RIPOR2: variants seen among roughly 807,000 people sequenced by gnomAD.
RIPOR2 encodes the protein RHO family interacting cell polarization regulator 2, also known as rho family-interacting cell polarization regulator 2.
A neutral mutation model predicts 114.5 loss-of-function variants in RIPOR2; 39 were observed. The observed-to-expected ratio is 0.34, with a 90% confidence interval of 0.26 to 0.44. RIPOR2 has a LOEUF of 0.44. Ranked by LOEUF, RIPOR2 falls within the 20% of genes least tolerant of loss-of-function variation. The pLI, the probability that RIPOR2 is intolerant of heterozygous loss-of-function variation, is 1.00. For missense variants in RIPOR2, 1,007 were observed against 1,255.1 expected, an observed-to-expected ratio of 0.80 and a Z score of 2.99; for synonymous variants, 445 against 484.4, an observed-to-expected ratio of 0.92 and a Z score of 1.07.
Position 24,825,235 on chromosome 6 carries a change from G to C in RIPOR2, c.2859C>G (p.Phe953Leu). 1 of 1,550,482 alleles carries C rather than the reference G, an allele frequency of 6.4e-7. No individual in the cohort carries two copies. Among genetic ancestry groups the C allele is most frequent in the Non-Finnish European group, 8.7e-7 (1 of 1,146,804 alleles). ...YLAAASKNQH[F>L]REKALLYYCE... ...TGGTTTAGTGTCTTACCTTTTCCCTGAAATGCTGATTTTTGGAGGCTGCTG... is the reference window on the plus strand; with the variant it reads ...TGGTTTAGTGTCTTACCTTTTCCCTCAAATGCTGATTTTTGGAGGCTGCTG... Residue 953 changes from phenylalanine (F) to leucine (L), a missense_variant, in exon 19 of 22, where the codon TTC (phenylalanine) becomes TTG (leucine). Phe to Leu is a conservative substitution (Grantham distance 22). Coordinates refer to ENST00000643898, the MANE Select transcript of RIPOR2 (RefSeq NM_001286445.3).
At chr6:25,041,723 A>C (rs1777466286) in intron 1 of RIPOR2, 3 of 608,492 alleles carry the variant, frequency 4.9e-6, no homozygotes, top group Non-Finnish European at 5.9e-6. Context: ...AACGGAGCAC[A>C]GGAAAGTGGA....
rs542034344 is a variant in RIPOR2 at position 24,905,774 on chromosome 6, C to T, written c.62-29957G>A. 1.1e-4 allele frequency among the ~76,000 whole-genome samples: 17 copies of T among 152,318 alleles called. No homozygotes were observed. The East Asian group carries it at 3.1e-3, about 28-fold the overall frequency. ...AGTAGGAGGAGGAAAATCACGTGTG[C>T]TTTTAGCGTTTCTCTGCCTTGCTTT... On this transcript the variant is annotated intron_variant, in intron 1 of 21. Transcript: ENST00000643898.
chr6:24,937,078 C>T (rs1351800474), upstream of RIPOR2, among the ~76,000 whole-genome samples: 1 of 152,132 alleles, frequency 6.6e-6, no homozygotes, highest in Non-Finnish European at 1.5e-5. Flanking sequence ...AAGGGATCAC[C>T]CCAGAGGAAT....
intron 1 of RIPOR2, among the ~76,000 whole-genome samples, chr6:25,001,578 T>A: frequency 1.7e-5 from 2 of 116,226 alleles, no homozygotes; most frequent in East Asian, 3.0e-4. Flanking sequence ...TGAGCCAAGA[T>A]CACGCCACTG....
rs545277467 is a variant in RIPOR2, at chr6:24,873,065, G to C, written c.345-106C>G. ...CAAAGGGGATTAAGAATTGAACCTT[G>C]CTCTGTAGTTGGGCAGGAGGCTTTG... On this transcript the variant is annotated intron_variant, in intron 3 of 21. Transcript: ENST00000643898. 7.1e-5 allele frequency: 53 copies of C among 751,710 alleles called. No individual in the cohort carries two copies. In the African/African-American group the frequency reaches 8.3e-4, roughly 12 times the overall value. 46.6% of individuals were successfully genotyped at this position (751,710 alleles called of 1,614,324 possible). A position where few individuals can be genotyped will look rare whatever the true frequency, so the allele number is the denominator to read the frequency against.
intron 1 of RIPOR2, among the ~76,000 whole-genome samples, chr6:24,905,509 T>C (rs887626015): frequency 1.3e-5 from 2 of 152,230 alleles, no homozygotes; most frequent in South Asian, 4.1e-4. Context: ...CTGGTAGTTA[T>C]CTTGGAATCT....
chr6:24,847,837 C>T, intron 12 of RIPOR2, 188 bp downstream of exon 12: 1 of 1,170,184 alleles, frequency 8.5e-7, no homozygotes, highest in Non-Finnish European at 1.2e-6. Context: ...AGAGAATGTT[C>T]AGAAAAATCT....
chr6:24,871,246 T>TA lies in RIPOR2; in HGVS notation c.424-358dup, dbSNP rs560467923. 1.6e-4 allele frequency among the ~76,000 whole-genome samples: 25 copies of TA among 152,216 alleles called. No homozygotes were observed. In the East Asian group the frequency reaches 4.6e-3, roughly 28 times the overall value. ...GAAGGGCATGTAAATTCATGGTCAT[T>TA]AAAAAAAATTTAAAATAAATGGTAC... is the stretch of plus-strand genomic sequence containing the variant. On this transcript the variant is annotated intron_variant, in intron 4 of 21. Transcript: ENST00000643898.
chr6:24,961,102 C>T (rs1773284920), intron 1 of RIPOR2, among the ~76,000 whole-genome samples: 1 of 152,150 alleles, frequency 6.6e-6, no homozygotes, highest in South Asian at 2.1e-4. Context: ...GCAAACACCA[C>T]CATCCTCAGT....
chr6:24,843,178 T>C lies in RIPOR2; in HGVS notation c.1541A>G (p.Asn514Ser), dbSNP rs779567287. ...GAGAEHLFLENDVAEALLQES... is the reference protein window; with the variant it reads ...GAGAEHLFLESDVAEALLQES... Reference sequence around the variant, plus strand: ...TTGCAGAAGTGCTTCTGCAACATCATTCTCAAGGAACAGGTGCTCAGCCCC... The same window carrying C: ...TTGCAGAAGTGCTTCTGCAACATCACTCTCAAGGAACAGGTGCTCAGCCCC... Residue 514 changes from asparagine to serine, a missense_variant, in exon 13 of 22, where the codon AAT becomes AGT. Asn to Ser is a conservative substitution (Grantham distance 46). Transcript: ENST00000643898. The C allele has an allele frequency of 3.7e-6, 6 of 1,613,868 alleles. No individual in the cohort carries two copies. Among genetic ancestry groups the C allele is most frequent in the South Asian group, 1.1e-5 (1 of 91,090 alleles).
intron 1 of RIPOR2, among the ~76,000 whole-genome samples, chr6:24,889,660 T>G (rs1767142659): frequency 6.6e-6 from 1 of 152,122 alleles, no homozygotes; most frequent in Non-Finnish European, 1.5e-5. Flanking sequence ...AAAGCAACTA[T>G]GTTGCTTTAA....
intron 1 of RIPOR2, among the ~76,000 whole-genome samples, chr6:24,946,803 G>T (rs536731921): frequency 6.6e-6 from 1 of 152,258 alleles, no homozygotes; most frequent in East Asian, 1.9e-4. Flanking sequence ...CTCTCCTGAC[G>T]TATTTCTTTT....
chr6:24,861,922 T>G (rs547993188), intron 7 of RIPOR2, among the ~76,000 whole-genome samples: 2 of 152,184 alleles, frequency 1.3e-5, no homozygotes, highest in African/African-American at 4.8e-5. Flanking sequence ...TCTTAAAAAT[T>G]TGGGGCCAAA....
At chr6:24,875,937 G>A in intron 1 of RIPOR2, 120 bp from the exon 2 acceptor site, 1 of 923,736 alleles carries the variant, frequency 1.1e-6, no homozygotes, top group Non-Finnish European at 1.6e-6. Context: ...GTGCTTGTGA[G>A]GTTCTTTATT....
intron 1 of RIPOR2, among the ~76,000 whole-genome samples, chr6:24,902,057 C>A (rs553334424): frequency 4.6e-5 from 7 of 152,150 alleles, no homozygotes; most frequent in African/African-American, 1.7e-4. Context: ...CTTTAGGTAT[C>A]AAAGAAGGAG....
At chr6:24,937,893 G>C (rs146455406), upstream of RIPOR2, among the ~76,000 whole-genome samples, 1 of 152,074 alleles carries the variant, frequency 6.6e-6, no homozygotes, top group Non-Finnish European at 1.5e-5. Context: ...CAGCATCCCC[G>C]TGGCTCTTGG....
At chr6:25,005,755 A>C (rs1423700001) in intron 1 of RIPOR2, among the ~76,000 whole-genome samples, 1 of 132,728 alleles carries the variant, frequency 7.5e-6, no homozygotes, top group Non-Finnish European at 1.7e-5. Context: ...TTACCGATCA[A>C]AAGATATGCC....
At chr6:25,031,697 AG>A in intron 1 of RIPOR2, among the ~76,000 whole-genome samples, 2 of 50,332 alleles carry the variant, frequency 4.0e-5, no homozygotes, top group Non-Finnish European at 3.5e-5. Flanking sequence ...TGTAGGTGGT[AG>A]TTATATATAT....
chr6:24,914,943 A>G (rs570315438), intron 1 of RIPOR2, among the ~76,000 whole-genome samples: 43 of 152,308 alleles, frequency 2.8e-4, no homozygotes, highest in Non-Finnish European at 4.7e-4. Flanking sequence ...ACCCTTATCT[A>G]TCTATCTGTC....
Sources: gnomAD v4.1 joint callset for allele counts (sites outside exome capture counted in the v4.1 genomes callset) on GRCh38, gnomAD v4.1.1 for gene constraint, MANE v1.5 for transcripts, NCBI Gene and HGNC (gene_info 2026-07-23, HGNC 2026-07-21) for gene names.